TANC2: variants seen among roughly 807,000 people sequenced by gnomAD.
TANC2 encodes the protein protein TANC2.
In TANC2, 26 loss-of-function variants were observed where a neutral mutation model predicts 210.5. That is an observed-to-expected ratio of 0.12 (90% CI 0.09 to 0.17). The LOEUF is 0.17. Among genes scored for constraint, TANC2 ranks in the 10% least tolerant of loss-of-function variants. The pLI is 1.00. For synonymous variants in TANC2, 931 were observed against 967.1 expected (o/e 0.96, Z 0.69); for missense variants, 2,129 against 2,608.9 (o/e 0.82, Z 4.01).
chr17:63,337,940 G>A (rs896552910), intron 11 of TANC2, among the ~76,000 whole-genome samples: 4 of 152,166 alleles, frequency 2.6e-5, no homozygotes, highest in African/African-American at 9.7e-5. Flanking sequence ...TCCTGAGGAG[G>A]ACATGATCTC....
intron 2 of TANC2, among the ~76,000 whole-genome samples, chr17:63,039,909 G>A (rs888362849): frequency 3.3e-5 from 5 of 152,038 alleles, no homozygotes; most frequent in Non-Finnish European, 7.4e-5. Flanking sequence ...TGTAATGTGT[G>A]TGTCTATATA....
chr17:63,383,354 A>G (rs1041898132), intron 15 of TANC2, among the ~76,000 whole-genome samples: 15 of 152,034 alleles, frequency 9.9e-5, no homozygotes, highest in African/African-American at 3.6e-4. Context: ...TCCGCCACCT[A>G]TTCATTCCTC....
intron 1 of TANC2, among the ~76,000 whole-genome samples, chr17:62,976,230 A>T (rs1598173436): frequency 6.6e-6 from 1 of 152,198 alleles, no homozygotes; most frequent in East Asian, 1.9e-4. Context: ...ATCTCAAATC[A>T]TAGTGTTTCT....
At chr17:63,055,463 G>A (rs899721850) in intron 2 of TANC2, among the ~76,000 whole-genome samples, 1 of 151,996 alleles carries the variant, frequency 6.6e-6, no homozygotes, top group African/African-American at 2.4e-5. Context: ...ATTGAGATGG[G>A]CAGCTAGATC....
At chr17:63,348,548 G>C (rs1267263647) in intron 12 of TANC2, among the ~76,000 whole-genome samples, 1 of 152,134 alleles carries the variant, frequency 6.6e-6, no homozygotes, top group African/African-American at 2.4e-5. Context: ...TTGTATGGAT[G>C]TAGATATAAT....
intron 2 of TANC2, among the ~76,000 whole-genome samples, chr17:63,013,471 T>C (rs1598252252): frequency 6.6e-6 from 1 of 152,116 alleles, no homozygotes; most frequent in Non-Finnish European, 1.5e-5. Context: ...AAAAAATCTT[T>C]ATATTCTGGC....
At chr17:63,213,512 T>G (rs891975906) in intron 7 of TANC2, among the ~76,000 whole-genome samples, 15 of 152,182 alleles carry the variant, frequency 9.9e-5, no homozygotes, top group African/African-American at 3.4e-4. Context: ...GAAAAAGACT[T>G]AAGTATATTT....
chr17:63,244,609 A>G (rs911240066), intron 8 of TANC2, among the ~76,000 whole-genome samples: 2 of 152,212 alleles, frequency 1.3e-5, no homozygotes, highest in Admixed American at 1.3e-4. Flanking sequence ...TGGGATACAA[A>G]CAAGATGAAT....
intron 2 of TANC2, among the ~76,000 whole-genome samples, chr17:63,045,637 T>A (rs1180919496): frequency 2.0e-5 from 3 of 152,158 alleles, no homozygotes; most frequent in Non-Finnish European, 4.4e-5. Flanking sequence ...TTTTTTCTCA[T>A]GTGGAGAAAG....
At chr17:63,032,763 T>C (rs973927496) in intron 2 of TANC2, among the ~76,000 whole-genome samples, 2 of 152,158 alleles carry the variant, frequency 1.3e-5, no homozygotes, top group African/African-American at 4.8e-5. Flanking sequence ...TGTGTTCCAT[T>C]AAACAATTCT....
intron 5 of TANC2, among the ~76,000 whole-genome samples, chr17:63,171,002 G>A (rs570371296): frequency 6.6e-6 from 1 of 151,384 alleles, no homozygotes; most frequent in South Asian, 2.1e-4. Context: ...GTTGGCATTA[G>A]ATTGGGAGTG....
At chr17:63,361,087 G>A (rs1383997099) in intron 14 of TANC2, among the ~76,000 whole-genome samples, 1 of 152,212 alleles carries the variant, frequency 6.6e-6, no homozygotes, top group Non-Finnish European at 1.5e-5. Context: ...GCTGTTGTGA[G>A]TAGTGCTGTA....
At chr17:63,304,086 C>G (rs2044816044) in intron 9 of TANC2, among the ~76,000 whole-genome samples, 1 of 152,088 alleles carries the variant, frequency 6.6e-6, no homozygotes, top group Non-Finnish European at 1.5e-5. Context: ...CCACTTCTGT[C>G]TATTCGTCCA....
At chr17:63,185,085 C>T (rs2040933225) in intron 5 of TANC2, among the ~76,000 whole-genome samples, 1 of 151,696 alleles carries the variant, frequency 6.6e-6, no homozygotes, top group Non-Finnish European at 1.5e-5. Flanking sequence ...ACCTTGAACT[C>T]CCAGGCTCAA....
intron 7 of TANC2, among the ~76,000 whole-genome samples, chr17:63,210,446 T>C (rs969784044): frequency 8.5e-5 from 13 of 152,254 alleles, no homozygotes; most frequent in African/African-American, 2.9e-4. Context: ...TCTACACTTA[T>C]GAGACTCATT....
At chr17:63,247,309 A>G (rs909209848) in intron 8 of TANC2, among the ~76,000 whole-genome samples, 1 of 152,022 alleles carries the variant, frequency 6.6e-6, no homozygotes, top group Non-Finnish European at 1.5e-5. Context: ...CTGATAGACC[A>G]TGTTTTTCAT....
At chr17:63,347,453 A>T (rs1307393671) in intron 12 of TANC2, among the ~76,000 whole-genome samples, 1 of 152,226 alleles carries the variant, frequency 6.6e-6, no homozygotes, top group Non-Finnish European at 1.5e-5. Context: ...CAAAGTGTAT[A>T]GTTAAGATCT....
intron 5 of TANC2, among the ~76,000 whole-genome samples, chr17:63,190,207 G>T (rs1252730569): frequency 1.3e-5 from 2 of 152,056 alleles, no homozygotes; most frequent in African/African-American, 4.8e-5. Context: ...AGGCATGGCA[G>T]TGCATACCTG....
chr17:63,399,631 T>C (rs1051813321), intron 19 of TANC2, among the ~76,000 whole-genome samples: 1 of 152,174 alleles, frequency 6.6e-6, no homozygotes, highest in Admixed American at 6.5e-5. Context: ...ATGAAAACTG[T>C]AGAGTAACCC....
Sources: gnomAD v4.1 joint callset for allele counts (sites outside exome capture counted in the v4.1 genomes callset) on GRCh38, gnomAD v4.1.1 for gene constraint, MANE v1.5 for transcripts, NCBI Gene and HGNC (gene_info 2026-07-23, HGNC 2026-07-21) for gene names.